SYNE4: variants seen among roughly 807,000 people sequenced by gnomAD.
The protein encoded by SYNE4 is nesprin-4.
SYNE4 carries 41 observed loss-of-function variants against 46.9 expected under a neutral mutation model. That is an observed-to-expected ratio of 0.87 (90% confidence interval 0.68 to 1.13). The LOEUF is 1.13. Among genes scored for constraint, SYNE4 ranks in the 50% most tolerant of loss-of-function variants. SYNE4 has a pLI of 0.00. For missense variants in SYNE4, 492 were observed against 514.8 expected, an observed-to-expected ratio of 0.96 and a Z score of 0.43; for synonymous variants, 221 against 219.5, an observed-to-expected ratio of 1.01 and a Z score of -0.06.
chr19:36,006,832 A>T lies in SYNE4; in HGVS notation c.536T>A (p.Ile179Asn). 1 of 1,600,906 alleles carries T rather than the reference A, an allele frequency of 6.2e-7. No homozygotes were observed. The highest frequency in any genetic ancestry group is 8.5e-7 in the Non-Finnish European group (1 of 1,175,044). Residue 179 changes from isoleucine to asparagine, a missense_variant, in exon 4 of 8, where the codon ATC becomes AAC. Coordinates refer to ENST00000324444, the MANE Select transcript of SYNE4 (RefSeq NM_001039876.3). ...TCGGTAAGCTCCCAGGGCCCGCAGG[A>T]TCTGCTCCAGGGCTGCCCAGGCCCT... ...EPRAWAALEQ[I>N]LRALGAYRDS...
In SYNE4 at chr19:36,006,526, A is replaced by T. The variant is rs199853331; in HGVS notation, c.764T>A (p.Ile255Asn). The T allele has an allele frequency of 1.9e-6, 3 of 1,608,028 alleles. No individual in the cohort carries two copies. The highest frequency in any genetic ancestry group is 2.5e-6 in the Non-Finnish European group (3 of 1,177,292). ...TELEWDPAGD[I>N]GGLGPLGQKT... ...TTGTCCCAAGGGCCCAAGGCCCCCA[A>T]TGTCCCCCGCCGGATCCCACTCCAA... The change falls in exon 5 of 8, where the codon ATT becomes AAT. Residue 255 changes from isoleucine (I) to asparagine (N), a missense_variant. By Grantham distance (149) the Ile-to-Asn change is moderately radical (BLOSUM62 -3). Transcript: ENST00000324444.
At chr19:36,004,954 C>A (rs113888225) in intron 6 of SYNE4, among the ~76,000 whole-genome samples, 1 of 148,914 alleles carries the variant, frequency 6.7e-6, no homozygotes, top group Non-Finnish European at 1.5e-5. Context: ...CTCGGCTCAC[C>A]GCAACCTCCG....
chr19:36,007,582 T>C (rs539445019), intron 2 of SYNE4: 1 of 985,266 alleles, frequency 1.0e-6, no homozygotes, highest in South Asian at 4.7e-5. Context: ...GGAGCAATGA[T>C]GAAATGCTTC....
intron 2 of SYNE4, among the ~76,000 whole-genome samples, chr19:36,007,964 G>A (rs1244991665): frequency 6.6e-6 from 1 of 151,992 alleles, no homozygotes; most frequent in Non-Finnish European, 1.5e-5. Context: ...GGCGGAGGTT[G>A]CAGTGAGCAG....
chr19:36,006,679 A>C lies in SYNE4; in HGVS notation c.619-8T>G. ...GTTGGCCTCCTCGAACACCTGGGTCAAAGGACAGAGGTCATGGAGGCTATG... is the reference window on the plus strand; with the variant it reads ...GTTGGCCTCCTCGAACACCTGGGTCCAAGGACAGAGGTCATGGAGGCTATG... On this transcript the variant is annotated splice_polypyrimidine_tract_variant and splice_region_variant and intron_variant, in intron 4 of 7. Transcript: ENST00000324444. 1 of 1,595,302 alleles carries C rather than the reference A, an allele frequency of 6.3e-7. No individual in the cohort carries two copies. Among genetic ancestry groups the C allele is most frequent in the Non-Finnish European group, 8.6e-7 (1 of 1,168,660 alleles).
At chr19:36,005,476 G>T in intron 5 of SYNE4, 39 bp from the exon 6 acceptor site, 1 of 1,595,570 alleles carries the variant, frequency 6.3e-7, no homozygotes, top group Non-Finnish European at 8.6e-7. Flanking sequence ...GGTTGGGGGA[G>T]GGCCAGGATA....
chr19:36,007,768 A>G (rs749879583), intron 2 of SYNE4, among the ~76,000 whole-genome samples: 4 of 151,944 alleles, frequency 2.6e-5, no homozygotes, highest in African/African-American at 4.8e-5. Flanking sequence ...GCACGCCTGT[A>G]ATCCCAGCAC....
chr19:36,003,678 AG>A lies in SYNE4; in HGVS notation c.973-8del. ...ATGCTTGCCTCTTCTTGTCCTAAGG[AG>A]GGAGAGCAGCCAGCAGCAGAATGGA... On this transcript the variant is annotated splice_polypyrimidine_tract_variant and splice_region_variant and intron_variant, in intron 6 of 7. Transcript: ENST00000324444. 6.2e-7 allele frequency: 1 copy of A among 1,611,874 alleles called. No homozygotes were observed. The highest frequency in any genetic ancestry group is 8.5e-7 in the Non-Finnish European group (1 of 1,179,234).
Position 36,008,575 on chromosome 19 carries a change from G to T in SYNE4, c.107C>A (p.Ala36Glu). 2 of 1,613,912 alleles carry T rather than the reference G, an allele frequency of 1.2e-6. No homozygotes were observed. The highest frequency in any genetic ancestry group is 8.5e-7 in the Non-Finnish European group (1 of 1,179,928). The change falls in exon 1 of 8, where the codon GCG becomes GAG. Residue 36 changes from alanine to glutamate, a missense_variant. By Grantham distance (107) the Ala-to-Glu change is moderately radical. Coordinates refer to ENST00000324444, the MANE Select transcript of SYNE4 (RefSeq NM_001039876.3). ...CCACCTCGTGCTCTCCTCTCCGGAC[G>T]CGGGGCAGACGGTGCATCCAACAAT... ...ADIVGCTVCP[A>E]SGEESTSPEQ...
At chr19:36,007,049 C>A in intron 3 of SYNE4, 76 bp downstream of exon 3, 1 of 1,554,232 alleles carries the variant, frequency 6.4e-7, no homozygotes, top group Admixed American at 1.9e-5. Flanking sequence ...TGCACTCAAC[C>A]CATTTCCCAT....
rs764851069 is a variant in SYNE4, at chr19:36,006,794, G to A, written c.574C>T (p.Arg192Trp). ...ALGAYRDSIF[R>W]RLWQLQAQLV... The stretch of plus-strand genomic sequence containing the variant: ...TGGGCCTGCAGCTGCCAGAGCCGCC[G>A]GAAGATGGAGTCTCGGTAAGCTCCC... The change falls in exon 4 of 8, where the codon CGG becomes TGG. Residue 192 changes from arginine (R) to tryptophan (W), a missense_variant. Arg to Trp is a moderately radical substitution (Grantham distance 101, BLOSUM62 -3). Coordinates refer to ENST00000324444, the MANE Select transcript of SYNE4 (RefSeq NM_001039876.3). The A allele has an allele frequency of 3.7e-5, 60 of 1,611,502 alleles. 1 individual carries two copies. Among genetic ancestry groups the A allele is most frequent in the Middle Eastern group, 1.7e-4 (1 of 6,058 alleles).
rs373270664 is a variant in SYNE4 at position 36,008,247 on chromosome 19, G to A, written c.249C>T (p.Tyr83=). 210 of 1,610,876 alleles carry A rather than the reference G, an allele frequency of 1.3e-4. 1 individual carries two copies. Among genetic ancestry groups the A allele is most frequent in the Middle Eastern group, 6.6e-4 (4 of 6,046 alleles). ...AGTGTTTGCCCCCAGCTGGGTCCTC[G>A]TAGGAAGAGGGTGTTGACCATCTCG... The part of the protein sequence containing the change: ...HPPRWSTPSS[Y]EDPAGGKHCE... The change falls in exon 2 of 8, where the codon TAC becomes TAT. Residue 83 remains tyrosine, a synonymous_variant. Coordinates refer to ENST00000324444, the MANE Select transcript of SYNE4 (RefSeq NM_001039876.3).
In SYNE4 at chr19:36,006,853, G is replaced by A. The variant is rs1326634538; in HGVS notation, c.515C>T (p.Ala172Val). The change falls in exon 4 of 8, where the codon GCC becomes GTC. Residue 172 changes from alanine (A) to valine (V), a missense_variant. Coordinates refer to ENST00000324444, the MANE Select transcript of SYNE4 (RefSeq NM_001039876.3). ...CAGGATCTGCTCCAGGGCTGCCCAG[G>A]CCCTGGGCTCACTCCGCTGTGCCAG... is the stretch of plus-strand genomic sequence containing the variant. ...EGLAQRSEPR[A>V]WAALEQILRA... 7 of 1,587,930 alleles carry A rather than the reference G, an allele frequency of 4.4e-6. No homozygotes were observed. Among genetic ancestry groups the A allele is most frequent in the Non-Finnish European group, 6.0e-6 (7 of 1,168,632 alleles).
chr19:36,006,771 G>A lies in SYNE4; in HGVS notation c.597C>T (p.Ala199=), dbSNP rs1178609546. The A allele has an allele frequency of 6.2e-7, 1 of 1,611,712 alleles. No individual in the cohort carries two copies. Among genetic ancestry groups the A allele is most frequent in the South Asian group, 1.1e-5 (1 of 90,742 alleles). ...SIFRRLWQLQ[A]QLVSYSLVFE... ...CTACCAGGCTGTAGCTGACCAGCTG[G>A]GCCTGCAGCTGCCAGAGCCGCCGGA... The change falls in exon 4 of 8, where the codon GCC becomes GCT. Residue 199 remains alanine, a synonymous_variant. Coordinates refer to ENST00000324444, the MANE Select transcript of SYNE4 (RefSeq NM_001039876.3).
intron 5 of SYNE4, 40 bp from the exon 6 acceptor site, chr19:36,005,477 G>A: frequency 6.3e-7 from 1 of 1,583,788 alleles, no homozygotes; most frequent in African/African-American, 1.3e-5. Flanking sequence ...GTTGGGGGAG[G>A]GCCAGGATAG....
At chr19:36,007,314 T>C (rs1324530764) in intron 2 of SYNE4, 46 bp from the exon 3 acceptor site, 1 of 1,546,180 alleles carries the variant, frequency 6.5e-7, no homozygotes, top group Non-Finnish European at 8.7e-7. Flanking sequence ...CCAATCAAGA[T>C]ATCACCCCTG....
intron 6 of SYNE4, among the ~76,000 whole-genome samples, chr19:36,005,013 ATG>A (rs1473080328): frequency 6.6e-6 from 1 of 151,324 alleles, no homozygotes; most frequent in African/African-American, 2.4e-5. Context: ...GATTACAGGC[ATG>A]CGCCACCACA....
chr19:36,006,209 A>T, intron 5 of SYNE4: 1 of 619,844 alleles, frequency 1.6e-6, no homozygotes, highest in Non-Finnish European at 2.5e-6. Flanking sequence ...TGGGGGCCTC[A>T]GGATAGGAGT....
At position 36,008,778 on chromosome 19, in the gene SYNE4, G is replaced by A. The variant is rs966668788; in HGVS notation, c.-97C>T. On this transcript the variant is annotated 5_prime_UTR_variant, in exon 1 of 8. Coordinates refer to ENST00000324444, the MANE Select transcript of SYNE4 (RefSeq NM_001039876.3). Reference sequence around the variant, plus strand: ...CAGAGCTCCTCCGCTGGAGTCACCCGGGCCTGAGGCTGCAGGAGAGGCCCA... The same window carrying A: ...CAGAGCTCCTCCGCTGGAGTCACCCAGGCCTGAGGCTGCAGGAGAGGCCCA... The A allele has an allele frequency of 8.9e-6, 13 of 1,462,798 alleles. No individual in the cohort carries two copies. In the African/African-American group the frequency reaches 1.3e-4, roughly 14 times the overall value. The allele number at this position is 1,462,798 out of a possible 1,614,324, so 90.6% of individuals were successfully genotyped here. A position where few individuals can be genotyped will look rare whatever the true frequency, so the allele number is the denominator to read the frequency against.
Sources: gnomAD v4.1 joint callset for allele counts (sites outside exome capture counted in the v4.1 genomes callset) on GRCh38, gnomAD v4.1.1 for gene constraint, MANE v1.5 for transcripts, NCBI Gene and HGNC (gene_info 2026-07-23, HGNC 2026-07-21) for gene names.